LMNB2: variants seen among roughly 807,000 people sequenced by gnomAD.
LMNB2 encodes lamin B2.
Under a neutral mutation model 69.3 loss-of-function variants are expected in LMNB2, and 17 were observed. The ratio of observed to expected loss-of-function variants is 0.25; its 90% CI spans 0.17 to 0.37. LMNB2 has a LOEUF of 0.37. Ranked by LOEUF, LMNB2 falls within the 10% of genes least tolerant of loss-of-function variation. The probability of loss-of-function intolerance (pLI) is 1.00; values close to 1 mark genes in which losing one functional copy is unlikely to be tolerated. For synonymous variants in LMNB2, 397 were observed against 389.3 expected (o/e 1.02, Z -0.23); for missense variants, 789 against 883.6 (o/e 0.89, Z 1.36).
rs777817932 is a variant in LMNB2 at position 2,456,781 on chromosome 19, G to T, written c.153C>A (p.Arg51=). ...LSRLQEKEEL[R]ELNDRLAHYI... ...AGTGCGCCAGGCGGTCGTTGAGCTC[G>T]CGCAGCTCCTCCTTCTCCTGCAGCC... The change falls in exon 1 of 12, where the codon CGC becomes CGA. Residue 51 remains arginine (R), a synonymous_variant. Transcript: ENST00000325327. The T allele has an allele frequency of 7.2e-6, 11 of 1,538,224 alleles. No homozygotes were observed. In the African/African-American group the frequency reaches 1.4e-4, roughly 20 times the overall value.
intron 2 of LMNB2, among the ~76,000 whole-genome samples, chr19:2,439,375 T>C (rs1032025527): frequency 1.3e-5 from 2 of 151,140 alleles, no homozygotes; most frequent in African/African-American, 2.4e-5. Flanking sequence ...CTGCTGACAT[T>C]TGGGGTGGTC....
chr19:2,455,576 C>T (rs1213271160), intron 1 of LMNB2, among the ~76,000 whole-genome samples: 1 of 152,144 alleles, frequency 6.6e-6, no homozygotes, highest in African/African-American at 2.4e-5. Context: ...GGAAGGGTCC[C>T]CAGAGCTAGC....
At chr19:2,432,335 C>CCCACTG in intron 9 of LMNB2, 81 bp downstream of exon 9, 1 of 981,302 alleles carries the variant, frequency 1.0e-6, no homozygotes, top group East Asian at 2.5e-5. Flanking sequence ...CCCACCCCCG[C>CCCACTG]CAAGTCCTGT....
rs962835824 is a variant in LMNB2 at position 2,440,570 on chromosome 19, T to TCATC, written c.402-2043_402-2040dup. On this transcript the variant is annotated intron_variant, in intron 2 of 11. Transcript: ENST00000325327. ...CATCATCCATCCATCCATCCACCCATCATCCATCCATCCATCCACTCATCT... is the reference window on the plus strand; with the variant it reads ...CATCATCCATCCATCCATCCACCCATCATCCATCCATCCATCCATCCACTCATCT... Among the ~76,000 whole-genome samples, 264 of 151,842 alleles carry TCATC rather than the reference T, an allele frequency of 1.7e-3. 1 individual carries two copies. Among genetic ancestry groups the TCATC allele is most frequent in the African/African-American group, 6.3e-3 (259 of 41,402 alleles).
In LMNB2 at chr19:2,430,970, G is replaced by A. The variant is rs2145443122; in HGVS notation, c.1822-18C>T. On this transcript the variant is annotated intron_variant, in intron 11 of 11. Transcript: ENST00000325327. ...GGGTCCCCCTGCAGGAAGGAAGGAA[G>A]GAAGGTCGGCCATGATCAGGGCCAG... is the stretch of plus-strand genomic sequence containing the variant. 6.2e-7 allele frequency: 1 copy of A among 1,600,742 alleles called. No homozygotes were observed.
rs1333635456 is a variant in LMNB2, at chr19:2,428,824, T to C, written c.*2087A>G. Reference sequence around the variant, plus strand: ...GTGTTTCCAAAGACTCAATTCTCAATGAACCTCCAATTACCCACAGGCTGC... The same window carrying C: ...GTGTTTCCAAAGACTCAATTCTCAACGAACCTCCAATTACCCACAGGCTGC... On this transcript the variant is annotated 3_prime_UTR_variant, in exon 12 of 12. Coordinates refer to ENST00000325327, the MANE Select transcript of LMNB2 (RefSeq NM_032737.4). 4 of 152,206 alleles carry C rather than the reference T, an allele frequency of 2.6e-5. No homozygotes were observed. The highest frequency in any genetic ancestry group is 7.2e-5 in the African/African-American group (3 of 41,450). 9.4% of individuals were successfully genotyped at this position (152,206 alleles called of 1,614,324 possible).
chr19:2,444,112 G>A (rs1197681888), intron 2 of LMNB2, among the ~76,000 whole-genome samples: 22 of 152,230 alleles, frequency 1.4e-4, no homozygotes, highest in Non-Finnish European at 1.5e-5. Context: ...TGCACACTAA[G>A]GAGACAGGCC....
At chr19:2,450,578 G>A (rs1015945391) in intron 1 of LMNB2, among the ~76,000 whole-genome samples, 2 of 151,824 alleles carry the variant, frequency 1.3e-5, no homozygotes, top group Non-Finnish European at 2.9e-5. Flanking sequence ...AGGAATTTAA[G>A]ACCAGTCTGG....
chr19:2,449,715 T>G (rs1315695802), intron 1 of LMNB2, among the ~76,000 whole-genome samples: 1 of 151,782 alleles, frequency 6.6e-6, no homozygotes, highest in East Asian at 1.9e-4. Context: ...AGGCAGAGGT[T>G]GCAGTGAGCT....
intron 8 of LMNB2, among the ~76,000 whole-genome samples, chr19:2,433,439 G>A (rs1181635384): frequency 7.4e-5 from 3 of 40,790 alleles, no homozygotes; most frequent in Non-Finnish European, 1.3e-4. Flanking sequence ...CGACAGCCCC[G>A]TCACCCTGAC....
chr19:2,446,356 C>T (rs193119463), intron 1 of LMNB2, among the ~76,000 whole-genome samples: 1 of 152,056 alleles, frequency 6.6e-6, no homozygotes, highest in East Asian at 2.0e-4. Flanking sequence ...AAGCCCCTCC[C>T]TAAGCCCCGC....
chr19:2,430,490 A>C lies in LMNB2; in HGVS notation c.*421T>G, dbSNP rs916953657. The C allele has an allele frequency of 1.4e-5, 4 of 282,970 alleles. No individual in the cohort carries two copies. Among genetic ancestry groups the C allele is most frequent in the Non-Finnish European group, 2.8e-5 (4 of 143,984 alleles). The allele number at this position is 282,970 out of a possible 1,614,324, so 17.5% of individuals were successfully genotyped here. A position where few individuals can be genotyped will look rare whatever the true frequency, so the allele number is the denominator to read the frequency against. On this transcript the variant is annotated 3_prime_UTR_variant, in exon 12 of 12. Coordinates refer to ENST00000325327, the MANE Select transcript of LMNB2 (RefSeq NM_032737.4). ...CCACCAGGTCGACGCCTGGATTCTGAATTTGGTTTTGTAGAAAGCCTTAAA... is the reference window on the plus strand; with the variant it reads ...CCACCAGGTCGACGCCTGGATTCTGCATTTGGTTTTGTAGAAAGCCTTAAA...
At chr19:2,450,331 G>A (rs1012582778) in intron 1 of LMNB2, among the ~76,000 whole-genome samples, 2 of 152,066 alleles carry the variant, frequency 1.3e-5, no homozygotes, top group Non-Finnish European at 2.9e-5. Context: ...TAAATGTCAC[G>A]TGAGATAGTG....
intron 2 of LMNB2, among the ~76,000 whole-genome samples, chr19:2,440,863 C>A (rs1251068510): frequency 6.6e-6 from 1 of 152,254 alleles, no homozygotes; most frequent in Non-Finnish European, 1.5e-5. Flanking sequence ...ATCTCCCTCT[C>A]TCTCTCACTA....
At chr19:2,440,334 G>C (rs1369121333) in intron 2 of LMNB2, among the ~76,000 whole-genome samples, 2 of 151,692 alleles carry the variant, frequency 1.3e-5, no homozygotes, top group African/African-American at 4.8e-5. Context: ...GAGATTACAG[G>C]CAAGTGCCAG....
intron 1 of LMNB2, among the ~76,000 whole-genome samples, chr19:2,451,475 G>A (rs931700145): frequency 2.3e-4 from 35 of 152,206 alleles, no homozygotes; most frequent in Non-Finnish European, 4.4e-4. Flanking sequence ...CTGGTCTGCC[G>A]TGCTGTGATG....
chr19:2,434,203 T>G (rs1035591576), intron 7 of LMNB2, 92 bp downstream of exon 7: 3 of 1,445,082 alleles, frequency 2.1e-6, no homozygotes, highest in African/African-American at 3.1e-5. Flanking sequence ...CCTCCACCCC[T>G]GCCCAGCACT....
chr19:2,451,176 G>A (rs1164258325), intron 1 of LMNB2, among the ~76,000 whole-genome samples: 1 of 152,170 alleles, frequency 6.6e-6, no homozygotes, highest in Non-Finnish European at 1.5e-5. Context: ...CTGAATCCGG[G>A]AGGCAGAGGT....
Position 2,434,312 on chromosome 19 carries a change from C to T in LMNB2, c.1185G>A (p.Leu395=), listed in dbSNP as rs1252739910. 1.2e-6 allele frequency: 2 copies of T among 1,613,002 alleles called. No individual in the cohort carries two copies. The highest frequency in any genetic ancestry group is 1.7e-5 in the Admixed American group (1 of 60,026). Reference sequence around the variant, plus strand: ...TGCCGCACCTCTCCTCCTCGCCCTCCAGGAGCTTCCGGTAGGCGTTGATCT... The same window carrying T: ...TGCCGCACCTCTCCTCCTCGCCCTCTAGGAGCTTCCGGTAGGCGTTGATCT... ...DMEINAYRKL[L]EGEEERLKLS... is the part of the protein sequence containing the mutation. Residue 395 remains leucine (L), a synonymous_variant, in exon 7 of 12, where the codon CTG becomes CTA. Transcript: ENST00000325327.
Sources: allele counts gnomAD v4.1 joint callset (sites outside exome capture counted in the v4.1 genomes callset), GRCh38; gene constraint gnomAD v4.1.1; transcripts MANE v1.5; gene names NCBI Gene and HGNC (gene_info 2026-07-23, HGNC 2026-07-21).